The following CMTM4 variants were observed in gnomAD, a reference collection of about 807,000 sequenced individuals.
The protein encoded by CMTM4 is CKLF-like MARVEL transmembrane domain-containing protein 4.
In CMTM4, 8 loss-of-function variants were observed where a neutral mutation model predicts 19.0. The ratio of observed to expected loss-of-function variants is 0.42; its 90% CI spans 0.25 to 0.76. The LOEUF is 0.76. Ranked by LOEUF, CMTM4 falls within the 30% of genes least tolerant of loss-of-function variation. The pLI, the probability that CMTM4 is intolerant of heterozygous loss-of-function variation, is 0.27. For synonymous variants in CMTM4, 106 were observed against 121.1 expected (o/e 0.88, Z 0.82); for missense variants, 228 against 290.2 (o/e 0.79, Z 1.56).
rs1182943837 is a variant in CMTM4 at position 66,696,377 on chromosome 16, A to T, written c.149T>A (p.Leu50Gln). The T allele has an allele frequency of 9.8e-6, 14 of 1,426,192 alleles. No individual in the cohort carries two copies. Among genetic ancestry groups the T allele is most frequent in the African/African-American group, 1.5e-5 (1 of 66,606 alleles). The allele number at this position is 1,426,192 out of a possible 1,614,324, so 88.3% of individuals were successfully genotyped here. ...CTTGAGGCGGCCGAGCGCGCCGCGC[A>T]GGTAGTCGGGGTCGCAGCGCAGGCC... ...LAGLRCDPDY[L>Q]RGALGRLKVA... The change falls in exon 1 of 4, where the codon CTG (leucine) becomes CAG (glutamine). Residue 50 changes from leucine (L) to glutamine (Q), a missense_variant. Around this residue, in one of 3 missense-constraint regions of CMTM4, gnomAD observed 200 missense variants for 226.6 expected, o/e 0.88. Coordinates refer to ENST00000394106, the MANE Select transcript of CMTM4 (RefSeq NM_181521.3). The surrounding 1 kb of genome is among the most constrained non-coding windows in gnomAD (Gnocchi z 4.3).
At chr16:66,675,773 C>T (rs2016799347) in intron 1 of CMTM4, among the ~76,000 whole-genome samples, 3 of 152,312 alleles carry the variant, frequency 2.0e-5, no homozygotes, top group Non-Finnish European at 2.9e-5. Context: ...CACTGCAGGA[C>T]CGAACAGCCG....
chr16:66,648,579 A>G (rs1265664197), intron 1 of CMTM4, among the ~76,000 whole-genome samples: 5 of 150,928 alleles, frequency 3.3e-5, no homozygotes, highest in African/African-American at 1.2e-4. Context: ...AATCGCTTGA[A>G]CCCGGGAGGC....
intron 1 of CMTM4, among the ~76,000 whole-genome samples, chr16:66,675,495 G>A (rs2016795009): frequency 7.3e-6 from 1 of 137,796 alleles, no homozygotes; most frequent in Non-Finnish European, 1.5e-5. Flanking sequence ...GCCACCTACA[G>A]AACTCCATGG....
At position 66,620,137 on chromosome 16, in the gene CMTM4, G is replaced by A; in HGVS notation, c.*1921C>T. On this transcript the variant is annotated 3_prime_UTR_variant, in exon 4 of 4. Coordinates refer to ENST00000394106, the MANE Select transcript of CMTM4 (RefSeq NM_181521.3). ...GGCCAAGTAACATGATTCCCAGCAG[G>A]AGATTTCTGATAAAGCTCAGGATGG... The A allele has an allele frequency of 6.1e-6, 6 of 985,442 alleles. No homozygotes were observed. The highest frequency in any genetic ancestry group is 7.2e-6 in the Non-Finnish European group (6 of 829,936). The allele number at this position is 985,442 out of a possible 1,614,324, so 61.0% of individuals were successfully genotyped here.
chr16:66,613,180 G>C, downstream of CMTM4: 3 of 701,348 alleles, frequency 4.3e-6, no homozygotes, highest in East Asian at 8.1e-5. Context: ...TCTTGAAGCA[G>C]GGAGAAATTG....
chr16:66,659,650 T>C (rs1022930823), intron 1 of CMTM4, among the ~76,000 whole-genome samples: 5 of 152,238 alleles, frequency 3.3e-5, no homozygotes, highest in African/African-American at 1.2e-4. Flanking sequence ...AATTATGTTA[T>C]TTTGAAGTAA....
At chr16:66,600,136 G>GTGTGGT in the CMTM4 span, among the ~76,000 whole-genome samples, 81 of 135,136 alleles carry the variant, frequency 6.0e-4, 2 homozygotes, top group East Asian at 6.8e-3. Flanking sequence ...GTGTGTGTGT[G>GTGTGGT]TTTTTTTTTG....
intron 1 of CMTM4, among the ~76,000 whole-genome samples, chr16:66,680,700 G>A (rs2016896273): frequency 6.7e-6 from 1 of 149,430 alleles, no homozygotes. Context: ...CATGAACCTG[G>A]GAGGCAGAGC....
intron 1 of CMTM4, among the ~76,000 whole-genome samples, chr16:66,680,047 C>T (rs967471819): frequency 2.0e-5 from 3 of 152,218 alleles, no homozygotes; most frequent in East Asian, 1.9e-4. Context: ...TTGCCATGAA[C>T]GTTAAATGAG....
chr16:66,641,745 C>A (rs762497284), intron 1 of CMTM4, among the ~76,000 whole-genome samples: 7 of 152,114 alleles, frequency 4.6e-5, no homozygotes, highest in African/African-American at 9.7e-5. Context: ...TGTTCAAAAT[C>A]CAAACAAAAA....
At chr16:66,645,863 C>T (rs2016185514) in intron 1 of CMTM4, among the ~76,000 whole-genome samples, 1 of 151,984 alleles carries the variant, frequency 6.6e-6, no homozygotes, top group Non-Finnish European at 1.5e-5. Context: ...CCTGTAATCA[C>T]AGCTACTCGG....
downstream of CMTM4, chr16:66,611,066 GTTTTA>G (rs1265403990): frequency 5.1e-6 from 2 of 395,404 alleles, no homozygotes; most frequent in Non-Finnish European, 4.4e-6. Context: ...AACTTGGGTG[GTTTTA>G]TTTTGTTTTT....
intron 1 of CMTM4, among the ~76,000 whole-genome samples, chr16:66,676,088 T>C (rs2016804987): frequency 6.6e-6 from 1 of 152,196 alleles, no homozygotes; most frequent in Non-Finnish European, 1.5e-5. Flanking sequence ...CAAATTATCC[T>C]GTTCTCACTT....
rs1191531783 is a variant in CMTM4 at position 66,620,973 on chromosome 16, G to C, written c.*1085C>G. The C allele has an allele frequency of 7.1e-6, 7 of 985,762 alleles. No homozygotes were observed. Among genetic ancestry groups the C allele is most frequent in the Non-Finnish European group, 2.4e-6 (2 of 829,952 alleles). 61.1% of individuals were successfully genotyped at this position (985,762 alleles called of 1,614,324 possible). On this transcript the variant is annotated 3_prime_UTR_variant, in exon 4 of 4. Coordinates refer to ENST00000394106, the MANE Select transcript of CMTM4 (RefSeq NM_181521.3). Reference sequence around the variant, plus strand: ...ACAACTCCCAAGAATGATGTCTACAGTTATGACACTGAGGCGCCCAAAGCG... The same window carrying C: ...ACAACTCCCAAGAATGATGTCTACACTTATGACACTGAGGCGCCCAAAGCG...
At chr16:66,614,158 G>A (rs754146761), downstream of CMTM4, among the ~76,000 whole-genome samples, 38 of 152,352 alleles carry the variant, frequency 2.5e-4, no homozygotes, top group Non-Finnish European at 4.6e-4. The surrounding 1 kb of genome is among the most constrained non-coding windows in gnomAD (Gnocchi z 4.9). Context: ...GAGCTCAGGC[G>A]GTAATGCCGT....
chr16:66,623,317 G>A lies in CMTM4; in HGVS notation c.462+87C>T, dbSNP rs1255629129. 4 of 894,588 alleles carry A rather than the reference G, an allele frequency of 4.5e-6. No homozygotes were observed. The African/African-American group carries it at 5.1e-5, about 11-fold the overall frequency. The allele number at this position is 894,588 out of a possible 1,614,324, so 55.4% of individuals were successfully genotyped here. A position where few individuals can be genotyped will look rare whatever the true frequency, so the allele number is the denominator to read the frequency against. On this transcript the variant is annotated intron_variant, in intron 3 of 3. Transcript: ENST00000394106. ...TCTTTAGCAAAGAAAAGCCACAGGAGGGGGAGCAGGACACATGCCAGGGAC... is the reference window on the plus strand; with the variant it reads ...TCTTTAGCAAAGAAAAGCCACAGGAAGGGGAGCAGGACACATGCCAGGGAC...
At chr16:66,695,608 AGCTCTACT>A (rs1339649539) in intron 1 of CMTM4, among the ~76,000 whole-genome samples, 1 of 152,152 alleles carries the variant, frequency 6.6e-6, no homozygotes, top group African/African-American at 2.4e-5. Context: ...CTGAGAAATG[AGCTCTACT>A]ACAGACAAGT....
intron 1 of CMTM4, among the ~76,000 whole-genome samples, chr16:66,663,241 G>A (rs903527606): frequency 6.6e-6 from 1 of 152,142 alleles, no homozygotes; most frequent in East Asian, 1.9e-4. Context: ...GGCATACAAA[G>A]AACCAGGAAA....
downstream of CMTM4, among the ~76,000 whole-genome samples, chr16:66,611,266 A>G (rs1332366600): frequency 6.6e-6 from 1 of 152,160 alleles, no homozygotes; most frequent in Non-Finnish European, 1.5e-5. Flanking sequence ...CAGCCTGGCC[A>G]ACACGGTGAA....
Sources: allele counts gnomAD v4.1 joint callset (sites outside exome capture counted in the v4.1 genomes callset), GRCh38; gene constraint gnomAD v4.1.1; regional missense constraint gnomAD v4.1.1; non-coding constraint Gnocchi (gnomAD v3.1); transcripts MANE v1.5; gene names NCBI Gene and HGNC (gene_info 2026-07-23, HGNC 2026-07-21).